The following DYM variants were observed in gnomAD, a reference collection of about 807,000 sequenced individuals.
DYM encodes dyggve-Melchior-Clausen syndrome protein.
A neutral mutation model predicts 93.1 loss-of-function variants in DYM; 78 were observed. That is an observed-to-expected ratio of 0.84 (90% CI 0.70 to 1.01). DYM has a LOEUF of 1.01. DYM is among the 50% of genes least tolerant of loss of function. The pLI, the probability that DYM is intolerant of heterozygous loss-of-function variation, is 0.00. For missense variants in DYM, 789 were observed against 845.0 expected, an observed-to-expected ratio of 0.93 and a Z score of 0.82; for synonymous variants, 321 against 319.7, an observed-to-expected ratio of 1.00 and a Z score of -0.04.
chr18:49,345,520 G>A (rs117631808), intron 6 of DYM, among the ~76,000 whole-genome samples: 2,101 of 152,156 alleles, frequency 0.014, 18 homozygotes, highest in Middle Eastern at 0.037. Context: ...CCCAGCACAC[G>A]CAGTCCCTAA....
chr18:49,125,197 T>C (rs1276377849), intron 15 of DYM, among the ~76,000 whole-genome samples: 3 of 151,976 alleles, frequency 2.0e-5, no homozygotes, highest in African/African-American at 4.8e-5. Flanking sequence ...CAGGCGGAGG[T>C]TGCAGTGAGC....
intron 2 of DYM, among the ~76,000 whole-genome samples, chr18:49,419,249 A>G (rs1054609499): frequency 6.6e-6 from 1 of 152,052 alleles, no homozygotes; most frequent in Non-Finnish European, 1.5e-5. Flanking sequence ...AATCCCAGCT[A>G]CTCGGAAGCC....
intron 15 of DYM, among the ~76,000 whole-genome samples, chr18:49,135,283 C>T (rs1053190739): frequency 2.0e-5 from 3 of 152,112 alleles, no homozygotes; most frequent in African/African-American, 4.8e-5. Context: ...AAATCAGGAG[C>T]TACTACTCTG....
intron 15 of DYM, among the ~76,000 whole-genome samples, chr18:49,144,461 T>C (rs1352132612): frequency 6.6e-6 from 1 of 152,186 alleles, no homozygotes. Context: ...ATATTCTAAT[T>C]CTATCATTTC....
At chr18:49,124,037 T>C (rs1345530042) in intron 15 of DYM, among the ~76,000 whole-genome samples, 1 of 152,238 alleles carries the variant, frequency 6.6e-6, no homozygotes, top group Non-Finnish European at 1.5e-5. Context: ...TATCTGCAGA[T>C]AGCTTACAAT....
chr18:49,436,802 A>G (rs1376546350), intron 1 of DYM, among the ~76,000 whole-genome samples: 2 of 152,172 alleles, frequency 1.3e-5, no homozygotes, highest in South Asian at 4.1e-4. Flanking sequence ...TGCTTCATTA[A>G]AATTAACAGG....
At chr18:49,330,696 A>G (rs2063243263) in intron 8 of DYM, among the ~76,000 whole-genome samples, 1 of 152,208 alleles carries the variant, frequency 6.6e-6, no homozygotes, top group Non-Finnish European at 1.5e-5. Flanking sequence ...AAATACTTAT[A>G]CCAGTTTAAT....
rs146303035 is a variant in DYM at position 49,285,755 on chromosome 18, T to C, written c.946+679A>G. Among the ~76,000 whole-genome samples, 367 of 152,354 alleles carry C rather than the reference T, an allele frequency of 2.4e-3. 1 individual carries two copies. The highest frequency in any genetic ancestry group is 3.6e-3 in the Non-Finnish European group (246 of 68,024). ...GCAGCACTTGACTATACTACAGGAA[T>C]CTTGCTTTTAGAATGTAACCTTTTG... On this transcript the variant is annotated intron_variant, in intron 9 of 17. Coordinates refer to ENST00000675505, the MANE Select transcript of DYM (RefSeq NM_001353214.3).
At chr18:49,079,460 T>A (rs2077600681) in intron 17 of DYM, among the ~76,000 whole-genome samples, 1 of 152,056 alleles carries the variant, frequency 6.6e-6, no homozygotes, top group Non-Finnish European at 1.5e-5. Flanking sequence ...AGAGGGGGAT[T>A]TGGCAGGGTC....
chr18:49,376,560 G>T (rs970466073), intron 5 of DYM, among the ~76,000 whole-genome samples: 2 of 152,220 alleles, frequency 1.3e-5, no homozygotes, highest in African/African-American at 4.8e-5. Context: ...AAGAGCTCTT[G>T]CCTGCTAAAT....
intron 14 of DYM, among the ~76,000 whole-genome samples, chr18:49,183,197 AT>A (rs1211025321): frequency 1.4e-5 from 2 of 141,856 alleles, no homozygotes; most frequent in Non-Finnish European, 3.1e-5. Context: ...TAATTAAGTG[AT>A]TTGTATCACT....
At chr18:49,193,544 T>G (rs915282898) in intron 14 of DYM, among the ~76,000 whole-genome samples, 4 of 152,226 alleles carry the variant, frequency 2.6e-5, no homozygotes, top group Non-Finnish European at 4.4e-5. Context: ...CTCAAATCTG[T>G]GAACACGGTT....
intron 3 of DYM, among the ~76,000 whole-genome samples, chr18:49,385,230 G>T (rs9949183): frequency 5.3e-5 from 8 of 152,184 alleles, no homozygotes; most frequent in African/African-American, 1.7e-4. Context: ...GGATGGTACA[G>T]CTGCTTTTTT....
At chr18:49,080,495 G>T (rs1209566088) in intron 17 of DYM, among the ~76,000 whole-genome samples, 1 of 144,724 alleles carries the variant, frequency 6.9e-6, no homozygotes, top group Non-Finnish European at 1.5e-5. Context: ...CGGACGGGGC[G>T]GCTGGCCGGG....
chr18:49,081,622 C>A (rs372901193), intron 17 of DYM, among the ~76,000 whole-genome samples: 1 of 151,864 alleles, frequency 6.6e-6, no homozygotes, highest in East Asian at 1.9e-4. Context: ...GTATTTTGAT[C>A]TTTTGTTTTT....
intron 3 of DYM, among the ~76,000 whole-genome samples, chr18:49,389,897 T>A (rs149797066): frequency 2.0e-5 from 3 of 152,300 alleles, no homozygotes; most frequent in African/African-American, 7.2e-5. Context: ...TGTTTTTTCA[T>A]CTTTTAATTT....
At chr18:49,227,948 C>G (rs375862907) in intron 13 of DYM, among the ~76,000 whole-genome samples, 1 of 152,046 alleles carries the variant, frequency 6.6e-6, no homozygotes. Context: ...TCTATGAGGC[C>G]CTCCCCGATT....
intron 17 of DYM, among the ~76,000 whole-genome samples, chr18:49,073,817 C>T (rs2077089161): frequency 6.6e-6 from 1 of 152,130 alleles, no homozygotes; most frequent in Non-Finnish European, 1.5e-5. Context: ...GGTTTTGGAA[C>T]CACAAGACAC....
intron 1 of DYM, among the ~76,000 whole-genome samples, chr18:49,445,663 G>A (rs1304743138): frequency 6.6e-6 from 1 of 152,124 alleles, no homozygotes. Context: ...GTCAGGCATG[G>A]TGGGGATCTG....
Sources: gnomAD v4.1 joint callset for allele counts (sites outside exome capture counted in the v4.1 genomes callset) on GRCh38, gnomAD v4.1.1 for gene constraint, MANE v1.5 for transcripts, NCBI Gene and HGNC (gene_info 2026-07-23, HGNC 2026-07-21) for gene names.